Variants in MFSD12 observed in about 807,000 individuals in gnomAD.
MFSD12 encodes the protein major facilitator superfamily domain-containing protein 12.
MFSD12 carries 67 observed loss-of-function variants against 51.2 expected under a neutral mutation model. That is an observed-to-expected ratio of 1.31 (90% CI 1.08 to 1.60). MFSD12 has a LOEUF of 1.60. MFSD12 is among the 40% of genes most tolerant of loss of function. The probability of loss-of-function intolerance (pLI) is 0.00; values close to 1 mark genes in which losing one functional copy is unlikely to be tolerated. For missense variants in MFSD12, 921 were observed against 673.0 expected (o/e 1.37, Z -4.08); for synonymous variants, 441 against 316.7 (o/e 1.39, Z -4.17).
downstream of MFSD12, chr19:3,542,148 G>A (rs146980855): frequency 3.0e-6 from 3 of 985,382 alleles, no homozygotes; most frequent in African/African-American, 3.5e-5. Context: ...AAAGCTACAT[G>A]TGTCTTGCAA....
At chr19:3,547,647 G>C in intron 4 of MFSD12, 100 bp from the exon 5 acceptor site, 1 of 1,245,840 alleles carries the variant, frequency 8.0e-7, no homozygotes, top group Non-Finnish European at 1.1e-6. Flanking sequence ...CCTGCAGCTG[G>C]CATTTGATCC....
At position 3,544,571 on chromosome 19, in the gene MFSD12, C is replaced by A; in HGVS notation, c.*139G>T. The A allele has an allele frequency of 1.4e-6, 2 of 1,454,788 alleles. No individual in the cohort carries two copies. The highest frequency in any genetic ancestry group is 2.4e-5 in the East Asian group (1 of 41,372). The allele number at this position is 1,454,788 out of a possible 1,614,324, so 90.1% of individuals were successfully genotyped here. On this transcript the variant is annotated 3_prime_UTR_variant, in exon 10 of 10. Coordinates refer to ENST00000355415, the MANE Select transcript of MFSD12 (RefSeq NM_174983.5). Reference sequence around the variant, plus strand: ...TCCCTGCTGCCCTCACCCGACCCCACCCCCGGGAGCTGGGTGAGGATGGAG... The same window carrying A: ...TCCCTGCTGCCCTCACCCGACCCCAACCCCGGGAGCTGGGTGAGGATGGAG...
Position 3,557,230 on chromosome 19 carries a change from C to A in MFSD12, c.174G>T (p.Ala58=), listed in dbSNP as rs1296289553. 3.1e-6 allele frequency: 5 copies of A among 1,590,646 alleles called. No homozygotes were observed. The African/African-American group carries it at 5.5e-5, about 17-fold the overall frequency. The stretch of plus-strand genomic sequence containing the variant: ...CCTGGCCCAGCAGCAGCAGCAGCCC[C>A]GCGCCGCGGGAGCTGTAGGCGCGCA... ...HSVRAYSSRG[A]GLLLLLGQVA... The change falls in exon 1 of 10, where the codon GCG becomes GCT. Residue 58 remains alanine (A), a synonymous_variant. Transcript: ENST00000355415.
At chr19:3,540,793 C>T (rs767237486), downstream of MFSD12, among the ~76,000 whole-genome samples, 9 of 149,140 alleles carry the variant, frequency 6.0e-5, no homozygotes, top group Non-Finnish European at 1.2e-4. Flanking sequence ...GCAGGAGAAT[C>T]ACTTGAACCT....
chr19:3,556,416 GCT>G (rs1255796542), intron 1 of MFSD12, among the ~76,000 whole-genome samples: 1 of 152,264 alleles, frequency 6.6e-6, no homozygotes, highest in Non-Finnish European at 1.5e-5. Flanking sequence ...TCAGACAGCA[GCT>G]CTGAGGCAGA....
rs373921478 is a variant in MFSD12 at position 3,547,240 on chromosome 19, G to A, written c.1023+32C>T. The stretch of plus-strand genomic sequence containing the variant: ...TCGGCTGCAGGGCACCCCATCCTCC[G>A]CCCCAGCTGTCCCCGGTCCCCGCCC... On this transcript the variant is annotated intron_variant, in intron 6 of 9. Coordinates refer to ENST00000355415, the MANE Select transcript of MFSD12 (RefSeq NM_174983.5). 632 of 1,587,070 alleles carry A rather than the reference G, an allele frequency of 4.0e-4. 3 individuals carry two copies. In the African/African-American group the frequency reaches 5.0e-3, roughly 13 times the overall value.
At chr19:3,547,390 G>GT in intron 5 of MFSD12, 26 bp from the exon 6 acceptor site, 1 of 1,611,628 alleles carries the variant, frequency 6.2e-7, no homozygotes, top group Non-Finnish European at 8.5e-7. Flanking sequence ...CAGGCATGCC[G>GT]TGTCAGTCAT....
At chr19:3,543,111 C>G (rs7248491), downstream of MFSD12, 3 of 1,525,800 alleles carry the variant, frequency 2.0e-6, no homozygotes, top group East Asian at 2.4e-5. Flanking sequence ...CTCCAAGTGG[C>G]GAGGGAGGGA....
intron 2 of MFSD12, among the ~76,000 whole-genome samples, chr19:3,549,537 A>T (rs11670000): frequency 0.43 from 64,717 of 150,998 alleles, 14,606 homozygotes; most frequent in Non-Finnish European, 0.5. Context: ...AGCCTGGCCA[A>T]GACGGTGAAA....
Position 3,547,501 on chromosome 19 carries a change from T to C in MFSD12, c.884A>G (p.Gln295Arg), listed in dbSNP as rs776934169. The C allele has an allele frequency of 5.0e-6, 8 of 1,612,924 alleles. No homozygotes were observed. ...MTTRLIVNLSQTYMAMYLTYS... is the reference protein window; with the variant it reads ...MTTRLIVNLSRTYMAMYLTYS... ...GGTGAGGTACATGGCCATGTAGGTCTGGGACAGGTTCACGATGAGCCTGGT... is the reference window on the plus strand; with the variant it reads ...GGTGAGGTACATGGCCATGTAGGTCCGGGACAGGTTCACGATGAGCCTGGT... Residue 295 changes from glutamine to arginine, a missense_variant, in exon 5 of 10, where the codon CAG (glutamine) becomes CGG (arginine). Physicochemically the swap from Gln to Arg is conservative, Grantham distance 43. Coordinates refer to ENST00000355415, the MANE Select transcript of MFSD12 (RefSeq NM_174983.5).
chr19:3,547,695 G>A (rs1416585163), intron 4 of MFSD12, 148 bp from the exon 5 acceptor site: 1 of 1,179,118 alleles, frequency 8.5e-7, no homozygotes, highest in Non-Finnish European at 1.2e-6. Flanking sequence ...GCCAGGAAGA[G>A]GAGAGCAGCA....
intron 1 of MFSD12, among the ~76,000 whole-genome samples, chr19:3,555,940 T>C (rs939027400): frequency 6.6e-6 from 1 of 152,158 alleles, no homozygotes; most frequent in Admixed American, 6.5e-5. Context: ...TGCAGTCTTA[T>C]CGATGGGCAC....
Position 3,544,578 on chromosome 19 carries a change from G to A in MFSD12, c.*132C>T. On this transcript the variant is annotated 3_prime_UTR_variant, in exon 10 of 10. Coordinates refer to ENST00000355415, the MANE Select transcript of MFSD12 (RefSeq NM_174983.5). ...TGCCCTCACCCGACCCCACCCCCGG[G>A]AGCTGGGTGAGGATGGAGGGTGGGG... 2 of 1,461,974 alleles carry A rather than the reference G, an allele frequency of 1.4e-6. No homozygotes were observed. Among genetic ancestry groups the A allele is most frequent in the Non-Finnish European group, 1.8e-6 (2 of 1,111,126 alleles). 90.6% of individuals were successfully genotyped at this position (1,461,974 alleles called of 1,614,324 possible).
chr19:3,546,180 C>A lies in MFSD12; in HGVS notation c.1195-12G>T, dbSNP rs759507204. 6.2e-7 allele frequency: 1 copy of A among 1,612,266 alleles called. No individual in the cohort carries two copies. The highest frequency in any genetic ancestry group is 8.5e-7 in the Non-Finnish European group (1 of 1,179,370). ...AACGCTCCGCTGTTCTGTGGAGACA[C>A]AGGCGAGGTGGTCAGCGTGCACCCC... On this transcript the variant is annotated splice_polypyrimidine_tract_variant and intron_variant, in intron 7 of 9. Transcript: ENST00000355415.
rs1461816777 is a variant in MFSD12 at position 3,538,832 on chromosome 19, C to T, written c.*6-76G>A. On this transcript the variant is annotated intron_variant, in intron 4 of 4. Transcript: ENST00000398558. Reference sequence around the variant, plus strand: ...GCTGGGGTGACAGGTGCCTGCGACCCCGGCCAGGCACTGCCTCCTGCGATC... The same window carrying T: ...GCTGGGGTGACAGGTGCCTGCGACCTCGGCCAGGCACTGCCTCCTGCGATC... The T allele has an allele frequency of 5.3e-6, 3 of 562,012 alleles. No individual in the cohort carries two copies. In the African/African-American group the frequency reaches 5.6e-5, roughly 10 times the overall value. 34.8% of individuals were successfully genotyped at this position (562,012 alleles called of 1,614,324 possible). A position where few individuals can be genotyped will look rare whatever the true frequency, so the allele number is the denominator to read the frequency against.
At chr19:3,538,922 T>C (rs956058897) in intron 4 of MFSD12, 2 of 661,160 alleles carry the variant, frequency 3.0e-6, no homozygotes, top group Admixed American at 4.2e-5. Context: ...AGACCCCAGG[T>C]GGGGGGTGCA....
Position 3,544,845 on chromosome 19 carries a change from A to C in MFSD12, c.1384T>G (p.Cys462Gly). The change falls in exon 9 of 10, where the codon TGT (cysteine) becomes GGT (glycine). Residue 462 changes from cysteine (C) to glycine (G), a missense_variant. Physicochemically the swap from Cys to Gly is radical, Grantham distance 159. Transcript: ENST00000355415. ...CGGGTCGGCCACAGCAGGAGGCTAC[A>C]GAGACACAGGGCAGCGGCCACGCCC... ...GVGVAAALCL[C>G]SLLLWPTRLR... The C allele has an allele frequency of 1.9e-6, 3 of 1,612,550 alleles. No individual in the cohort carries two copies. Among genetic ancestry groups the C allele is most frequent in the Non-Finnish European group, 2.5e-6 (3 of 1,179,708 alleles).
downstream of MFSD12, chr19:3,544,141 C>G: frequency 2.8e-6 from 4 of 1,409,770 alleles, no homozygotes; most frequent in Non-Finnish European, 3.7e-6. Context: ...CAGGGCAGGG[C>G]TGAGATGCCC....
chr19:3,553,564 C>T (rs892189359), intron 1 of MFSD12, among the ~76,000 whole-genome samples: 2 of 149,974 alleles, frequency 1.3e-5, no homozygotes, highest in East Asian at 2.0e-4. Flanking sequence ...GTCAGGAGAT[C>T]GAGACCATCC....
Sources: allele counts gnomAD v4.1 joint callset (sites outside exome capture counted in the v4.1 genomes callset), GRCh38; gene constraint gnomAD v4.1.1; transcripts MANE v1.5; gene names NCBI Gene and HGNC (gene_info 2026-07-23, HGNC 2026-07-21).